Variants in ARFGEF1 observed in about 807,000 individuals in gnomAD.
The protein encoded by ARFGEF1 is brefeldin A-inhibited guanine nucleotide-exchange protein 1.
Under a neutral mutation model 231.0 loss-of-function variants are expected in ARFGEF1, and 42 were observed. That is an observed-to-expected ratio of 0.18 (90% confidence interval 0.14 to 0.24). The LOEUF (loss-of-function observed/expected upper bound fraction) is 0.24. Ranked by LOEUF, ARFGEF1 falls within the 10% of genes least tolerant of loss-of-function variation. ARFGEF1 has a pLI of 1.00. For synonymous variants in ARFGEF1, 710 were observed against 732.3 expected, an observed-to-expected ratio of 0.97 and a Z score of 0.49; for missense variants, 1,345 against 2,192.0, an observed-to-expected ratio of 0.61 and a Z score of 7.72.
At chr8:67,290,063 G>T (rs997657394) in intron 6 of ARFGEF1, among the ~76,000 whole-genome samples, 3 of 152,172 alleles carry the variant, frequency 2.0e-5, no homozygotes, top group Non-Finnish European at 4.4e-5. Context: ...CACGCAGCTG[G>T]TAAGTGACAG....
intron 34 of ARFGEF1, among the ~76,000 whole-genome samples, chr8:67,206,410 TAAAAAAAAAAAAAAA>T (rs747164390): frequency 1.1e-4 from 11 of 102,048 alleles, no homozygotes; most frequent in Non-Finnish European, 1.8e-4. Flanking sequence ...ATTTTATCTT[TAAAAAAAAAAAAAAA>T]AAAAAAAAAG....
At chr8:67,310,877 G>A (rs1176159507) in intron 1 of ARFGEF1, among the ~76,000 whole-genome samples, 2 of 151,782 alleles carry the variant, frequency 1.3e-5, no homozygotes, top group African/African-American at 2.4e-5. Context: ...CCCCGTCTGA[G>A]AAGTGAGGAG....
intron 15 of ARFGEF1, 85 bp from the exon 16 acceptor site, chr8:67,258,375 G>C: frequency 3.1e-6 from 3 of 955,028 alleles, no homozygotes; most frequent in Non-Finnish European, 4.6e-6. Context: ...GCCCAGGCTG[G>C]GGTGCAGTGG....
intron 19 of ARFGEF1, among the ~76,000 whole-genome samples, chr8:67,249,881 C>T (rs1840221894): frequency 6.6e-6 from 1 of 152,196 alleles, no homozygotes; most frequent in Non-Finnish European, 1.5e-5. Flanking sequence ...CTCGGCCTCC[C>T]GAAGTGCTGG....
intron 14 of ARFGEF1, 86 bp from the exon 15 acceptor site, chr8:67,260,012 A>G: frequency 2.6e-6 from 2 of 781,122 alleles, no homozygotes; most frequent in Non-Finnish European, 4.1e-6. Context: ...ATTTTCTAAT[A>G]GCACCCAGAA....
intron 15 of ARFGEF1, among the ~76,000 whole-genome samples, chr8:67,258,665 C>T (rs776744559): frequency 3.9e-5 from 6 of 152,108 alleles, no homozygotes; most frequent in Non-Finnish European, 8.8e-5. Flanking sequence ...ACCACACAGC[C>T]ACTTAAAAAG....
rs777059843 is a variant in ARFGEF1 at position 67,198,425 on chromosome 8, C to T, written c.*509G>A. 4.5e-5 allele frequency: 44 copies of T among 985,908 alleles called. No homozygotes were observed. Among genetic ancestry groups the T allele is most frequent in the Non-Finnish European group, 5.1e-5 (42 of 830,092 alleles). 61.1% of individuals were successfully genotyped at this position (985,908 alleles called of 1,614,324 possible). ...CTGTACATTTTTCACAGGATGATTA[C>T]CAGTATCTCAGATAGCCTGAGTGTG... On this transcript the variant is annotated 3_prime_UTR_variant, in exon 39 of 39. Transcript: ENST00000262215.
chr8:67,198,490 T>C lies in ARFGEF1; in HGVS notation c.*444A>G. ...ATAAGAATACCATAGTTGCTAAATA[T>C]CTTTTACCATGAACAATAATTTCTT... On this transcript the variant is annotated 3_prime_UTR_variant, in exon 39 of 39. Transcript: ENST00000262215. 1.0e-6 allele frequency: 1 copy of C among 989,554 alleles called. No homozygotes were observed. The highest frequency in any genetic ancestry group is 4.6e-5 in the South Asian group (1 of 21,508). 61.3% of individuals were successfully genotyped at this position (989,554 alleles called of 1,614,324 possible).
At chr8:67,268,563 G>A (rs746590832) in intron 10 of ARFGEF1, among the ~76,000 whole-genome samples, 4 of 152,014 alleles carry the variant, frequency 2.6e-5, no homozygotes, top group East Asian at 1.9e-4. Flanking sequence ...AATTATCTCC[G>A]CAAAGCTGGG....
At chr8:67,221,966 A>C (rs1233498979) in intron 29 of ARFGEF1, among the ~76,000 whole-genome samples, 1 of 151,206 alleles carries the variant, frequency 6.6e-6, no homozygotes, top group Non-Finnish European at 1.5e-5. Flanking sequence ...GGTGCCCACC[A>C]CCACGCCCGG....
intron 1 of ARFGEF1, among the ~76,000 whole-genome samples, chr8:67,325,742 A>C (rs536425730): frequency 2.6e-5 from 4 of 152,374 alleles, no homozygotes; most frequent in African/African-American, 9.6e-5. Flanking sequence ...ATTATTATGA[A>C]GGAAGACTTT....
intron 14 of ARFGEF1, among the ~76,000 whole-genome samples, chr8:67,262,143 G>A (rs914890709): frequency 6.6e-5 from 10 of 152,156 alleles, no homozygotes; most frequent in African/African-American, 2.4e-4. Context: ...AGGATTCACT[G>A]TTCTAGATGC....
intron 36 of ARFGEF1, 104 bp from the exon 37 acceptor site, chr8:67,201,709 T>C (rs752287567): frequency 1.1e-5 from 16 of 1,475,622 alleles, no homozygotes; most frequent in Non-Finnish European, 1.4e-5. Flanking sequence ...GCCATCAGCA[T>C]CTGCTGCTTA....
At chr8:67,232,746 T>C (rs1013522916) in intron 23 of ARFGEF1, 109 bp downstream of exon 23, 14 of 833,196 alleles carry the variant, frequency 1.7e-5, no homozygotes, top group Non-Finnish European at 2.4e-5. Flanking sequence ...AATTTTATAT[T>C]ACTTTAGAAA....
In ARFGEF1 at chr8:67,271,906, T is replaced by A; in HGVS notation, c.1368A>T (p.Ser456=). The part of the protein sequence containing the change: ...KSHELRSKIL[S]LQLLLSILQN... ...GCAGAATGGATAGAAGTAACTGCAA[T>A]GAAAGAATCTTGGATCGTAGTTCAT... The change falls in exon 10 of 39, where the codon TCA becomes TCT. Residue 456 remains serine, a synonymous_variant. Coordinates refer to ENST00000262215, the MANE Select transcript of ARFGEF1 (RefSeq NM_006421.5). The A allele has an allele frequency of 6.2e-7, 1 of 1,611,266 alleles. No individual in the cohort carries two copies. The highest frequency in any genetic ancestry group is 8.5e-7 in the Non-Finnish European group (1 of 1,179,112).
At chr8:67,224,288 T>A (rs932378613) in intron 29 of ARFGEF1, among the ~76,000 whole-genome samples, 5 of 152,158 alleles carry the variant, frequency 3.3e-5, no homozygotes, top group African/African-American at 1.2e-4. Context: ...TGTGGCAAAG[T>A]ACAGGGTAAA....
chr8:67,301,453 CAG>C, intron 2 of ARFGEF1, 73 bp from the exon 3 acceptor site: 1 of 1,448,094 alleles, frequency 6.9e-7, no homozygotes, highest in Non-Finnish European at 9.3e-7. Flanking sequence ...TGTAGAAACA[CAG>C]AATTTCAGTT....
chr8:67,175,248 T>C, downstream of ARFGEF1: 2 of 1,454,252 alleles, frequency 1.4e-6, no homozygotes, highest in Non-Finnish European at 1.9e-6. Flanking sequence ...CAAAATCCCA[T>C]TTGAAAACAA....
intron 38 of ARFGEF1, chr8:67,199,950 G>T: frequency 3.9e-6 from 1 of 256,362 alleles, no homozygotes. Context: ...CCATTCACTA[G>T]GGACTCTGGG....
Sources: gnomAD v4.1 joint callset for allele counts (sites outside exome capture counted in the v4.1 genomes callset) on GRCh38, gnomAD v4.1.1 for gene constraint, MANE v1.5 for transcripts, NCBI Gene and HGNC (gene_info 2026-07-23, HGNC 2026-07-21) for gene names.